Variants in CTNNA2 observed in about 807,000 individuals in gnomAD.
The protein encoded by CTNNA2 is catenin alpha-2.
A neutral mutation model predicts 101.0 loss-of-function variants in CTNNA2; 42 were observed. That is an observed-to-expected ratio of 0.42 (90% CI 0.32 to 0.54). The LOEUF (loss-of-function observed/expected upper bound fraction) is 0.54. Ranked by LOEUF, CTNNA2 falls within the 20% of genes least tolerant of loss-of-function variation. The pLI is 0.14. For synonymous variants in CTNNA2, 450 were observed against 456.4 expected, an observed-to-expected ratio of 0.99 and a Z score of 0.18; for missense variants, 871 against 1,223.1, an observed-to-expected ratio of 0.71 and a Z score of 4.29.
At chr2:79,242,105 A>G (rs1674634756) in intron 2 of CTNNA2, among the ~76,000 whole-genome samples, 1 of 151,884 alleles carries the variant, frequency 6.6e-6, no homozygotes, top group African/African-American at 2.4e-5. Flanking sequence ...ACGGGGTTTC[A>G]CTGTGTTAGC....
intron 9 of CTNNA2, among the ~76,000 whole-genome samples, chr2:80,464,431 C>T (rs1273907523): frequency 1.3e-5 from 2 of 152,090 alleles, no homozygotes; most frequent in Non-Finnish European, 2.9e-5. Context: ...CTTAGAGTTC[C>T]TCCTGCCCTG....
chr2:79,299,497 C>A (rs1045391725), intron 2 of CTNNA2, among the ~76,000 whole-genome samples: 2 of 152,168 alleles, frequency 1.3e-5, no homozygotes, highest in Non-Finnish European at 2.9e-5. Flanking sequence ...TTTCCCGATT[C>A]TAAGAGGTTG....
chr2:80,331,219 G>A (rs1017811854), intron 7 of CTNNA2, among the ~76,000 whole-genome samples: 4 of 152,086 alleles, frequency 2.6e-5, no homozygotes, highest in African/African-American at 9.7e-5. Context: ...AGCACATTAG[G>A]TATTCGTTAT....
At chr2:79,206,413 G>C (rs940221665) in intron 2 of CTNNA2, among the ~76,000 whole-genome samples, 2 of 152,082 alleles carry the variant, frequency 1.3e-5, no homozygotes. Flanking sequence ...AAGATAAAAA[G>C]GGCCAGTCCT....
intron 1 of CTNNA2, among the ~76,000 whole-genome samples, chr2:79,194,419 A>G (rs944603481): frequency 6.6e-6 from 1 of 152,168 alleles, no homozygotes; most frequent in African/African-American, 2.4e-5. Context: ...TTAGATTAAT[A>G]TGGGTTTTGC....
At position 79,871,573 on chromosome 2, in the gene CTNNA2, G is replaced by A. The variant is rs563215059; in HGVS notation, c.585+1638G>A. Among the ~76,000 whole-genome samples, 77 of 152,174 alleles carry A rather than the reference G, an allele frequency of 5.1e-4. No individual in the cohort carries two copies. In the East Asian group the frequency reaches 0.011, roughly 22 times the overall value. Reference sequence around the variant, plus strand: ...GAATTCACCCTTCCTCCACCTTTTTGTTCTGTCGTTGCCCCCAGCCGACTG... The same window carrying A: ...GAATTCACCCTTCCTCCACCTTTTTATTCTGTCGTTGCCCCCAGCCGACTG... On this transcript the variant is annotated intron_variant, in intron 5 of 18. Transcript: ENST00000402739.
intron 7 of CTNNA2, among the ~76,000 whole-genome samples, chr2:80,147,330 G>A (rs570475483): frequency 2.0e-4 from 31 of 152,198 alleles, no homozygotes; most frequent in African/African-American, 7.0e-4. Context: ...TTGAACTCCT[G>A]ACCTCAAGTG....
At chr2:79,342,937 T>A (rs1414094908) in intron 3 of CTNNA2, among the ~76,000 whole-genome samples, 1 of 152,196 alleles carries the variant, frequency 6.6e-6, no homozygotes, top group African/African-American at 2.4e-5. Context: ...TTAAGCGACC[T>A]GCAGGGCCTT....
intron 7 of CTNNA2, among the ~76,000 whole-genome samples, chr2:80,172,273 T>C (rs1705112047): frequency 1.3e-5 from 2 of 152,232 alleles, no homozygotes; most frequent in South Asian, 4.1e-4. Flanking sequence ...CCTTGAGCTT[T>C]ACTCTCCCTT....
At chr2:79,635,736 T>C (rs1679992686) in intron 1 of CTNNA2, among the ~76,000 whole-genome samples, 1 of 151,258 alleles carries the variant, frequency 6.6e-6, no homozygotes, top group South Asian at 2.1e-4. Flanking sequence ...ACTACTGACC[T>C]CAGGTGATCT....
At chr2:80,265,794 A>G (rs2149130579) in intron 7 of CTNNA2, among the ~76,000 whole-genome samples, 1 of 152,338 alleles carries the variant, frequency 6.6e-6, no homozygotes, top group South Asian at 2.1e-4. Context: ...TGAGAAGAGA[A>G]GAGAAGTGTC....
intron 8 of CTNNA2, among the ~76,000 whole-genome samples, chr2:80,411,738 C>T (rs1318237380): frequency 6.6e-6 from 1 of 152,146 alleles, no homozygotes; most frequent in African/African-American, 2.4e-5. Flanking sequence ...CATCTGTTAG[C>T]TTTGTGAATG....
At chr2:80,279,481 T>A (rs1437924362) in intron 7 of CTNNA2, among the ~76,000 whole-genome samples, 2 of 152,204 alleles carry the variant, frequency 1.3e-5, no homozygotes, top group Admixed American at 6.5e-5. Flanking sequence ...GGCATTAGTT[T>A]TGATGATTTC....
intron 7 of CTNNA2, among the ~76,000 whole-genome samples, chr2:80,106,730 C>G (rs925225150): frequency 6.6e-6 from 1 of 152,116 alleles, no homozygotes; most frequent in African/African-American, 2.4e-5. Flanking sequence ...CATTCGCTGG[C>G]AGGTGCTTGA....
chr2:79,351,906 T>C (rs989181798), intron 3 of CTNNA2, among the ~76,000 whole-genome samples: 1 of 152,200 alleles, frequency 6.6e-6, no homozygotes, highest in East Asian at 1.9e-4. Context: ...TACAGACACA[T>C]ATGACCTTTT....
intron 18 of CTNNA2, among the ~76,000 whole-genome samples, chr2:80,623,480 A>T (rs1179693125): frequency 6.6e-6 from 1 of 151,954 alleles, no homozygotes; most frequent in African/African-American, 2.4e-5. Flanking sequence ...GTATTCCAGG[A>T]TAACTGAAGC....
In CTNNA2 at chr2:79,346,544, T is replaced by G. The variant is rs77886533; in HGVS notation, c.-317-27287T>G. ...ACTATGGAATAGCATGATTTTATAC[T>G]CAGAAGTCCAAGATCCCTCCTTGAA... On this transcript the variant is annotated intron_variant, in intron 3 of 21. Transcript: ENST00000466387. Among the ~76,000 whole-genome samples the G allele has an allele frequency of 8.0e-3, 1,217 of 152,242 alleles. 10 individuals are homozygous for G. The highest frequency in any genetic ancestry group is 0.026 in the African/African-American group (1,098 of 41,544).
At chr2:79,564,381 C>T (rs915656609) in intron 1 of CTNNA2, among the ~76,000 whole-genome samples, 38 of 151,722 alleles carry the variant, frequency 2.5e-4, no homozygotes, top group African/African-American at 9.7e-5. Context: ...GATATAACTG[C>T]GTATTAGTGG....
intron 7 of CTNNA2, among the ~76,000 whole-genome samples, chr2:80,199,160 G>C (rs1707033040): frequency 9.1e-6 from 1 of 110,264 alleles, no homozygotes; most frequent in Non-Finnish European, 1.7e-5. Context: ...CAGCCTGGGA[G>C]ACAGAGTGAG....
Sources: gnomAD v4.1 joint callset for allele counts (sites outside exome capture counted in the v4.1 genomes callset) on GRCh38, gnomAD v4.1.1 for gene constraint, MANE v1.5 for transcripts, NCBI Gene and HGNC (gene_info 2026-07-23, HGNC 2026-07-21) for gene names.